The following MAML2 variants were observed in gnomAD, a reference collection of about 807,000 sequenced individuals.
The protein encoded by MAML2 is mastermind-like protein 2.
Under a neutral mutation model 96.1 loss-of-function variants are expected in MAML2, and 22 were observed. The ratio of observed to expected loss-of-function variants is 0.23; its 90% CI spans 0.16 to 0.33. The LOEUF (loss-of-function observed/expected upper bound fraction) is 0.33, where lower values mean the gene tolerates loss of function less well. MAML2 is among the 10% of genes least tolerant of loss of function. The pLI is 1.00. For missense variants in MAML2, 1,367 were observed against 1,392.4 expected (o/e 0.98, Z 0.29); for synonymous variants, 561 against 521.3 (o/e 1.08, Z -1.04).
At chr11:96,275,269 A>ATTTTTTTT (rs56407815) in intron 1 of MAML2, among the ~76,000 whole-genome samples, 1 of 111,740 alleles carries the variant, frequency 8.9e-6, no homozygotes, top group African/African-American at 3.9e-5. Context: ...ACACTAAGGA[A>ATTTTTTTT]TTTTTTTTTT....
At chr11:96,151,686 C>G (rs1380914077) in intron 1 of MAML2, among the ~76,000 whole-genome samples, 1 of 152,152 alleles carries the variant, frequency 6.6e-6, no homozygotes, top group Non-Finnish European at 1.5e-5. Context: ...CTGTTCCTGG[C>G]ATGTAAGACA....
At chr11:96,095,837 G>A (rs1312686847) in intron 1 of MAML2, among the ~76,000 whole-genome samples, 1 of 152,130 alleles carries the variant, frequency 6.6e-6, no homozygotes, top group Non-Finnish European at 1.5e-5. Flanking sequence ...TTGCAGCAAG[G>A]GGCTAGGCAT....
intron 2 of MAML2, among the ~76,000 whole-genome samples, chr11:96,060,604 A>T (rs1331015826): frequency 6.6e-6 from 1 of 152,234 alleles, no homozygotes; most frequent in Non-Finnish European, 1.5e-5. Flanking sequence ...AGAAAGTGGG[A>T]ATTTAAGTGA....
intron 1 of MAML2, among the ~76,000 whole-genome samples, chr11:96,115,362 C>T (rs373006716): frequency 9.2e-5 from 14 of 151,598 alleles, no homozygotes; most frequent in East Asian, 3.9e-4. Flanking sequence ...GAGATGGGGG[C>T]GTCTTTGTAG....
At chr11:96,326,524 C>T (rs553932815) in intron 1 of MAML2, among the ~76,000 whole-genome samples, 9 of 152,022 alleles carry the variant, frequency 5.9e-5, no homozygotes, top group East Asian at 5.8e-4. Flanking sequence ...AGGCTGGGTG[C>T]GGTGGCTCAT....
intron 2 of MAML2, among the ~76,000 whole-genome samples, chr11:96,001,473 G>T (rs1858076703): frequency 6.6e-6 from 1 of 152,118 alleles, no homozygotes; most frequent in African/African-American, 2.4e-5. Flanking sequence ...CATTGATTTG[G>T]ATCATAGTTC....
At chr11:96,181,401 AT>A (rs5793785) in intron 1 of MAML2, among the ~76,000 whole-genome samples, 27,586 of 151,994 alleles carry the variant, frequency 0.18, 2,760 homozygotes, top group African/African-American at 0.26. Flanking sequence ...GATCGAGACT[AT>A]TTTTTTCTCC....
At chr11:96,126,288 T>C (rs1477567824) in intron 1 of MAML2, among the ~76,000 whole-genome samples, 2 of 152,186 alleles carry the variant, frequency 1.3e-5, no homozygotes. Context: ...CCCGGTTTGG[T>C]GGCTCACTCC....
At chr11:96,209,512 T>C (rs1236502024) in intron 1 of MAML2, among the ~76,000 whole-genome samples, 1 of 151,872 alleles carries the variant, frequency 6.6e-6, no homozygotes. Context: ...GAGACGGAGG[T>C]TGCAGTGAGC....
chr11:96,129,382 G>A (rs10437580), intron 1 of MAML2, among the ~76,000 whole-genome samples: 72,720 of 152,058 alleles, frequency 0.48, 18,287 homozygotes, highest in East Asian at 0.75. Context: ...GTGGGCCTAA[G>A]AATCCGGATT....
intron 1 of MAML2, among the ~76,000 whole-genome samples, chr11:96,272,175 T>C (rs7947993): frequency 0.043 from 6,436 of 150,980 alleles, 452 homozygotes; most frequent in African/African-American, 0.15. Context: ...TCCTATGCAT[T>C]GTACTTGTGT....
intron 1 of MAML2, among the ~76,000 whole-genome samples, chr11:96,224,921 T>C (rs936740235): frequency 2.0e-5 from 3 of 152,266 alleles, no homozygotes; most frequent in East Asian, 1.9e-4. Context: ...ATTTATACTT[T>C]AAGACAGTTA....
At chr11:96,041,806 C>T (rs1858815087) in intron 2 of MAML2, among the ~76,000 whole-genome samples, 1 of 150,580 alleles carries the variant, frequency 6.6e-6, no homozygotes, top group Non-Finnish European at 1.5e-5. Context: ...TAGCCCTTCT[C>T]TTTTTTCTTT....
At chr11:96,240,407 G>A (rs1420262834) in intron 1 of MAML2, among the ~76,000 whole-genome samples, 3 of 150,912 alleles carry the variant, frequency 2.0e-5, no homozygotes, top group South Asian at 2.1e-4. Context: ...AAAATTAGCC[G>A]GGCGCGGTGG....
rs1363110027 is a variant in MAML2, at chr11:96,114,799, T to C, written c.514-21282A>G. 3.9e-5 allele frequency among the ~76,000 whole-genome samples: 6 copies of C among 152,172 alleles called. No individual in the cohort carries two copies. The East Asian group carries it at 9.6e-4, about 24-fold the overall frequency. The stretch of plus-strand genomic sequence containing the variant: ...AAGGCTCAGGCCCCATCTGCTGAGC[T>C]ACCATGGCAAGGATTAAGTATACCT... On this transcript the variant is annotated intron_variant, in intron 1 of 4. Transcript: ENST00000524717.
At chr11:96,191,926 T>A (rs1861659485) in intron 1 of MAML2, among the ~76,000 whole-genome samples, 1 of 152,176 alleles carries the variant, frequency 6.6e-6, no homozygotes, top group Non-Finnish European at 1.5e-5. Flanking sequence ...TCATGTGAGT[T>A]CTGTCAGTGA....
chr11:96,254,979 C>A (rs1164812150), intron 1 of MAML2, among the ~76,000 whole-genome samples: 2 of 152,066 alleles, frequency 1.3e-5, no homozygotes, highest in South Asian at 2.1e-4. Flanking sequence ...CCACACCCAG[C>A]TAAAATTTTT....
At chr11:96,001,356 T>C (rs553172929) in intron 2 of MAML2, among the ~76,000 whole-genome samples, 23 of 152,308 alleles carry the variant, frequency 1.5e-4, no homozygotes, top group African/African-American at 5.3e-4. Context: ...GAAATTTTTC[T>C]TAAAAGAGAA....
intron 1 of MAML2, among the ~76,000 whole-genome samples, chr11:96,321,401 C>T (rs1041676766): frequency 6.6e-5 from 10 of 152,186 alleles, no homozygotes; most frequent in African/African-American, 1.9e-4. Flanking sequence ...AAGTCACAAC[C>T]GCTTCAAAAG....
Sources: allele counts gnomAD v4.1 joint callset (sites outside exome capture counted in the v4.1 genomes callset), GRCh38; gene constraint gnomAD v4.1.1; transcripts MANE v1.5; gene names NCBI Gene and HGNC (gene_info 2026-07-23, HGNC 2026-07-21).